SYCE1: variants seen among roughly 807,000 people sequenced by gnomAD.
SYCE1 encodes the protein synaptonemal complex central element protein 1.
SYCE1 carries 37 observed loss-of-function variants against 55.1 expected under a neutral mutation model. The ratio of observed to expected loss-of-function variants is 0.67; its 90% CI spans 0.52 to 0.88. The LOEUF (loss-of-function observed/expected upper bound fraction) is 0.88. Ranked by LOEUF, SYCE1 falls within the 40% of genes least tolerant of loss-of-function variation. SYCE1 has a pLI of 0.00. For missense variants in SYCE1, 399 were observed against 416.4 expected (o/e 0.96, Z 0.36); for synonymous variants, 163 against 159.4 (o/e 1.02, Z -0.17).
upstream of SYCE1, chr10:133,568,072 G>A: frequency 1.5e-6 from 1 of 666,488 alleles, no homozygotes; most frequent in Non-Finnish European, 2.7e-6. Flanking sequence ...GGCCAGATGT[G>A]GTCACCGAGC....
downstream of SYCE1, chr10:133,554,635 A>AT (rs749675258): frequency 1.4e-6 from 1 of 722,930 alleles, no homozygotes. Flanking sequence ...ACTGATCCTC[A>AT]TTTTTAATTT....
In SYCE1 at chr10:133,554,985, A is replaced by AGCTGAGACAG; in HGVS notation, c.*6_*7insCTGTCTCAGC. 1 of 1,538,954 alleles carries AGCTGAGACAG rather than the reference A, an allele frequency of 6.5e-7. No homozygotes were observed. Among genetic ancestry groups the AGCTGAGACAG allele is most frequent in the Non-Finnish European group, 8.8e-7 (1 of 1,141,558 alleles). The stretch of plus-strand genomic sequence containing the variant: ...ACCCCTACTCCTCACCAGTAGACTT[A>AGCTGAGACAG]GCTGTATCAAAATAGCTCCTTTATT... On this transcript the variant is annotated 3_prime_UTR_variant, in exon 13 of 13. Transcript: ENST00000343131.
chr10:133,565,639 C>T (rs953747391), upstream of SYCE1: 25 of 1,029,764 alleles, frequency 2.4e-5, no homozygotes, highest in Non-Finnish European at 3.0e-5. Flanking sequence ...CAATGCACTC[C>T]TGCGCGCGCC....
chr10:133,564,728 A>G (rs532725278), intron 1 of SYCE1, among the ~76,000 whole-genome samples: 49 of 152,344 alleles, frequency 3.2e-4, no homozygotes, highest in Non-Finnish European at 5.0e-4. Context: ...GGACAGAATG[A>G]CAAGCTGAGT....
At position 133,557,650 on chromosome 10, in the gene SYCE1, T is replaced by C. The variant is rs1171232445; in HGVS notation, c.374+214A>G. 1.5e-5 allele frequency: 9 copies of C among 599,912 alleles called. No homozygotes were observed. In the Middle Eastern group the frequency reaches 1.7e-3, roughly 115 times the overall value. The allele number at this position is 599,912 out of a possible 1,614,324, so 37.2% of individuals were successfully genotyped here. On this transcript the variant is annotated intron_variant, in intron 6 of 12. Coordinates refer to ENST00000343131, the MANE Select transcript of SYCE1 (RefSeq NM_001143764.3). ...TAAAAACCAGCTGAAGAAATTTAAT[T>C]GACAATTTAGCAAATGAATGTCTTG...
At chr10:133,557,742 G>T (rs1851721785) in intron 6 of SYCE1, 122 bp downstream of exon 6, 2 of 1,123,428 alleles carry the variant, frequency 1.8e-6, no homozygotes, top group African/African-American at 3.0e-5. Context: ...ACATTCTTTG[G>T]ACTCTCCATT....
chr10:133,557,581 G>A lies in SYCE1; in HGVS notation c.374+283C>T, dbSNP rs971410489. 9 of 537,700 alleles carry A rather than the reference G, an allele frequency of 1.7e-5. No homozygotes were observed. The Admixed American group carries it at 1.9e-4, about 11-fold the overall frequency. The allele number at this position is 537,700 out of a possible 1,614,324, so 33.3% of individuals were successfully genotyped here. On this transcript the variant is annotated intron_variant, in intron 6 of 12. Coordinates refer to ENST00000343131, the MANE Select transcript of SYCE1 (RefSeq NM_001143764.3). The stretch of plus-strand genomic sequence containing the variant: ...TGCCTAAATGAACAGACAGATGAGT[G>A]AATAGACATCCAAGGAGTATGACAA...
downstream of SYCE1, chr10:133,554,114 C>T (rs963575132): frequency 5.1e-5 from 26 of 512,716 alleles, no homozygotes; most frequent in African/African-American, 4.6e-4. Flanking sequence ...AATATATTTT[C>T]TAACTTCCAC....
In SYCE1 at chr10:133,557,685, G is replaced by A. The variant is rs1464846717; in HGVS notation, c.374+179C>T. 4 of 637,466 alleles carry A rather than the reference G, an allele frequency of 6.3e-6. No individual in the cohort carries two copies. The African/African-American group carries it at 7.3e-5, about 12-fold the overall frequency. The allele number at this position is 637,466 out of a possible 1,614,324, so 39.5% of individuals were successfully genotyped here. A position where few individuals can be genotyped will look rare whatever the true frequency, so the allele number is the denominator to read the frequency against. On this transcript the variant is annotated intron_variant, in intron 6 of 12. Coordinates refer to ENST00000343131, the MANE Select transcript of SYCE1 (RefSeq NM_001143764.3). ...GCAAATGAATGTCTTGCCATTGAGA[G>A]AGTTTCCCTTAACACTACTGCCAGC...
upstream of SYCE1, chr10:133,565,619 C>T: frequency 1.5e-6 from 2 of 1,338,098 alleles, no homozygotes; most frequent in Non-Finnish European, 2.0e-6. Context: ...CTCCAGGCAG[C>T]GCGCCTGCGC....
chr10:133,565,598 TG>T (rs892993939), upstream of SYCE1: 2 of 1,486,752 alleles, frequency 1.3e-6, no homozygotes, highest in South Asian at 1.2e-5. Context: ...CAACCGCCGC[TG>T]GGGGCAGGAC....
chr10:133,556,505 C>T, intron 8 of SYCE1: 2 of 563,666 alleles, frequency 3.5e-6, no homozygotes, highest in Non-Finnish European at 6.4e-6. Context: ...CTCCTTTGTG[C>T]CCGTGATGGT....
At position 133,555,590 on chromosome 10, in the gene SYCE1, C is replaced by T; in HGVS notation, c.830+7G>A. The T allele has an allele frequency of 6.2e-7, 1 of 1,603,616 alleles. No homozygotes were observed. The highest frequency in any genetic ancestry group is 8.5e-7 in the Non-Finnish European group (1 of 1,178,346). On this transcript the variant is annotated splice_region_variant and intron_variant, in intron 11 of 12. Transcript: ENST00000343131. The stretch of plus-strand genomic sequence containing the variant: ...GGGGGTTGCGGGGACAGGGCCTCCA[C>T]ACGCACCTCTGCCGCTTCTGCTGCT...
Position 133,555,024 on chromosome 10 carries a change from T to C in SYCE1, c.1024A>G (p.Arg342Gly). 4 of 1,550,840 alleles carry C rather than the reference T, an allele frequency of 2.6e-6. No individual in the cohort carries two copies. Among genetic ancestry groups the C allele is most frequent in the Non-Finnish European group, 3.5e-6 (4 of 1,146,682 alleles). Residue 342 changes from arginine to glycine, a missense_variant, in exon 13 of 13, where the codon AGG becomes GGG. Physicochemically the swap from Arg to Gly is moderately radical, Grantham distance 125. Coordinates refer to ENST00000343131, the MANE Select transcript of SYCE1 (RefSeq NM_001143764.3). ...EDTLHPDLSP[R>G]GFQEIKELF ...AGCTCCTTTATTTCCTGAAAGCCCCTTGGGCTAAGGTCGGGGTGGAGTGTG... is the reference window on the plus strand; with the variant it reads ...AGCTCCTTTATTTCCTGAAAGCCCCCTGGGCTAAGGTCGGGGTGGAGTGTG...
Position 133,558,920 on chromosome 10 carries a change from C to G in SYCE1, c.228G>C (p.Glu76Asp). The G allele has an allele frequency of 6.2e-7, 1 of 1,612,540 alleles. No individual in the cohort carries two copies. Among genetic ancestry groups the G allele is most frequent in the Non-Finnish European group, 8.5e-7 (1 of 1,179,684 alleles). Residue 76 changes from glutamate (E) to aspartate (D), a missense_variant, in exon 4 of 13, where the codon GAG (glutamate) becomes GAC (aspartate). Glu to Asp is a conservative substitution (Grantham distance 45, BLOSUM62 2). Transcript: ENST00000343131. ...GCAGGGCCTCACAGATGGTCCGGGC[C>G]TCTCCTAGGTCTTTATTGGCTTTCT... is the stretch of plus-strand genomic sequence containing the variant. ...AKKKANKDLG[E>D]ARTICEALQK...
chr10:133,562,740 G>A (rs1236058100), intron 1 of SYCE1, among the ~76,000 whole-genome samples: 2 of 152,136 alleles, frequency 1.3e-5, no homozygotes, highest in African/African-American at 2.4e-5. Context: ...TAAGTACACT[G>A]TAAAAGCATC....
intron 1 of SYCE1, among the ~76,000 whole-genome samples, chr10:133,563,164 C>A (rs1434594638): frequency 6.6e-6 from 1 of 152,196 alleles, no homozygotes; most frequent in African/African-American, 2.4e-5. Flanking sequence ...TAAGGTGTCT[C>A]CTTACAAACT....
At chr10:133,568,137 C>A (rs752422146), upstream of SYCE1, 4 of 833,192 alleles carry the variant, frequency 4.8e-6, no homozygotes, top group Admixed American at 8.1e-5. Context: ...CCACCCAGCC[C>A]GACACAGAGG....
At chr10:133,557,225 T>C in intron 6 of SYCE1, 69 bp from the exon 7 acceptor site, 1 of 1,315,752 alleles carries the variant, frequency 7.6e-7, no homozygotes, top group Non-Finnish European at 1.1e-6. Flanking sequence ...CTGGGGCTTC[T>C]GCCTCCCTCT....
Sources: gnomAD v4.1 joint callset for allele counts (sites outside exome capture counted in the v4.1 genomes callset) on GRCh38, gnomAD v4.1.1 for gene constraint, MANE v1.5 for transcripts, NCBI Gene and HGNC (gene_info 2026-07-23, HGNC 2026-07-21) for gene names.